Variants in PABPC4L observed in about 807,000 individuals in gnomAD.
The protein encoded by PABPC4L is poly(A) binding protein cytoplasmic 4 like.
For synonymous variants in PABPC4L, 169 were observed against 164.1 expected, an observed-to-expected ratio of 1.03 and a Z score of -0.23; for missense variants, 452 against 451.4, an observed-to-expected ratio of 1.00 and a Z score of -0.01.
At chr4:133,990,654 A>G in the PABPC4L span, among the ~76,000 whole-genome samples, 1 of 152,178 alleles carries the variant, frequency 6.6e-6, no homozygotes, top group African/African-American at 2.4e-5. Flanking sequence ...CCCTAAGCCA[A>G]AGATGATTGC....
At chr4:134,054,121 G>C in the PABPC4L span, among the ~76,000 whole-genome samples, 1 of 150,890 alleles carries the variant, frequency 6.6e-6, no homozygotes, top group Non-Finnish European at 1.5e-5. Context: ...GAATAAGAGA[G>C]CTCTTTCTCC....
At chr4:134,134,078 G>C in the PABPC4L span, among the ~76,000 whole-genome samples, 2 of 151,836 alleles carry the variant, frequency 1.3e-5, no homozygotes, top group South Asian at 4.1e-4. Flanking sequence ...CAATATAAAA[G>C]TATTGGAAAC....
the PABPC4L span, among the ~76,000 whole-genome samples, chr4:134,079,601 A>AAC: frequency 9.4e-6 from 1 of 106,282 alleles, no homozygotes; most frequent in Non-Finnish European, 1.9e-5. Flanking sequence ...AAAAAAAAAA[A>AAC]AAAAAAAAAA....
chr4:133,975,246 C>T, the PABPC4L span, among the ~76,000 whole-genome samples: 9 of 151,996 alleles, frequency 5.9e-5, no homozygotes, highest in Non-Finnish European at 1.2e-4. Flanking sequence ...TGAAAAGATG[C>T]ATATTGTGTG....
At chr4:134,172,767 T>A in the PABPC4L span, among the ~76,000 whole-genome samples, 1 of 151,866 alleles carries the variant, frequency 6.6e-6, no homozygotes, top group Non-Finnish European at 1.5e-5. Context: ...GCAATCTCCA[T>A]CAAAATACCA....
the PABPC4L span, among the ~76,000 whole-genome samples, chr4:134,099,761 T>G: frequency 2.2e-4 from 33 of 151,594 alleles, no homozygotes; most frequent in African/African-American, 7.7e-4. Context: ...AAATGCTATT[T>G]GATCTCAGGG....
chr4:133,978,494 T>C, the PABPC4L span, among the ~76,000 whole-genome samples: 2 of 152,084 alleles, frequency 1.3e-5, no homozygotes, highest in Non-Finnish European at 2.9e-5. Flanking sequence ...CGTGCACCTG[T>C]GGTCCCTACT....
At chr4:134,170,936 T>C in the PABPC4L span, among the ~76,000 whole-genome samples, 2 of 152,172 alleles carry the variant, frequency 1.3e-5, no homozygotes, top group Non-Finnish European at 2.9e-5. Flanking sequence ...GCTGAAATAA[T>C]TTGCATTTCC....
chr4:134,145,755 A>G, the PABPC4L span, among the ~76,000 whole-genome samples: 1 of 152,034 alleles, frequency 6.6e-6, no homozygotes, highest in East Asian at 1.9e-4. Flanking sequence ...AAATGTTTAT[A>G]TAAAATAAAT....
At chr4:134,180,868 C>T in the PABPC4L span, among the ~76,000 whole-genome samples, 143 of 151,676 alleles carry the variant, frequency 9.4e-4, 1 homozygote, top group Admixed American at 7.5e-3. Context: ...TAATAAGTTC[C>T]AGAATAGGAT....
chr4:134,192,085 A>G (rs963242519), downstream of PABPC4L, among the ~76,000 whole-genome samples: 1 of 152,110 alleles, frequency 6.6e-6, no homozygotes, highest in Non-Finnish European at 1.5e-5. Flanking sequence ...TCATAGCAGT[A>G]GTATTCATTA....
chr4:133,973,725 C>T, the PABPC4L span, among the ~76,000 whole-genome samples: 1 of 152,174 alleles, frequency 6.6e-6, no homozygotes, highest in Non-Finnish European at 1.5e-5. Context: ...TTTGACCTAA[C>T]TTAGACTTCA....
At chr4:134,181,787 T>G in the PABPC4L span, among the ~76,000 whole-genome samples, 4 of 151,414 alleles carry the variant, frequency 2.6e-5, no homozygotes, top group African/African-American at 7.3e-5. Flanking sequence ...ACAAAAAGAA[T>G]AAAATACCTA....
the PABPC4L span, among the ~76,000 whole-genome samples, chr4:134,088,051 C>T: frequency 6.6e-6 from 1 of 152,048 alleles, no homozygotes; most frequent in Non-Finnish European, 1.5e-5. Context: ...CACCTGACCA[C>T]CTAAGAGCTC....
the PABPC4L span, among the ~76,000 whole-genome samples, chr4:134,160,027 G>A: frequency 1.3e-5 from 2 of 152,136 alleles, no homozygotes; most frequent in South Asian, 2.1e-4. Context: ...CTGGGAATTC[G>A]CTCCCCTAAT....
the PABPC4L span, among the ~76,000 whole-genome samples, chr4:134,018,391 T>C: frequency 6.6e-6 from 1 of 152,150 alleles, no homozygotes; most frequent in African/African-American, 2.4e-5. Context: ...AAATGGTATA[T>C]GTGCAGGTTT....
chr4:134,021,753 A>G, the PABPC4L span, among the ~76,000 whole-genome samples: 1 of 152,108 alleles, frequency 6.6e-6, no homozygotes, highest in African/African-American at 2.4e-5. Flanking sequence ...CCACCATATC[A>G]TATTTATTTT....
the PABPC4L span, among the ~76,000 whole-genome samples, chr4:134,084,654 C>T: frequency 2.0e-5 from 3 of 151,878 alleles, no homozygotes; most frequent in Admixed American, 2.0e-4. Context: ...AATGCAAATG[C>T]AATGGAATAA....
chr4:133,979,333 A>G, the PABPC4L span, among the ~76,000 whole-genome samples: 1 of 152,216 alleles, frequency 6.6e-6, no homozygotes, highest in Non-Finnish European at 1.5e-5. Context: ...TAAAGTTCAA[A>G]TGGAAGAGTC....
Sources: allele counts gnomAD v4.1 joint callset (sites outside exome capture counted in the v4.1 genomes callset), GRCh38; gene constraint gnomAD v4.1.1; transcripts MANE v1.5; gene names NCBI Gene and HGNC (gene_info 2026-07-23, HGNC 2026-07-21).